Variants in COL4A1 observed in about 807,000 individuals in gnomAD.
The protein encoded by COL4A1 is collagen alpha-1(IV) chain.
A neutral mutation model predicts 216.6 loss-of-function variants in COL4A1; 40 were observed. That is an observed-to-expected ratio of 0.18 (90% CI 0.14 to 0.24). The LOEUF is 0.24. Ranked by LOEUF, COL4A1 falls within the 10% of genes least tolerant of loss-of-function variation. The probability of loss-of-function intolerance (pLI) is 1.00; values close to 1 mark genes in which losing one functional copy is unlikely to be tolerated. For missense variants in COL4A1, 1,628 were observed against 2,196.8 expected, an observed-to-expected ratio of 0.74 and a Z score of 5.18; for synonymous variants, 839 against 810.7, an observed-to-expected ratio of 1.03 and a Z score of -0.59.
At chr13:110,198,118 T>TCC (rs1878992799) in intron 21 of COL4A1, among the ~76,000 whole-genome samples, 1 of 151,368 alleles carries the variant, frequency 6.6e-6, no homozygotes, top group African/African-American at 2.4e-5. Flanking sequence ...TGTGTGTGTG[T>TCC]CCTAGTATTC....
chr13:110,172,699 A>G (rs1313971931), intron 41 of COL4A1, 21 bp downstream of exon 41: 3 of 1,611,884 alleles, frequency 1.9e-6, no homozygotes, highest in Non-Finnish European at 2.5e-6. Context: ...GAAAAGGAAG[A>G]GCACAGTGAG....
At chr13:110,198,686 G>A in intron 20 of COL4A1, 55 bp from the exon 21 acceptor site, 1 of 1,603,394 alleles carries the variant, frequency 6.2e-7, no homozygotes, top group Non-Finnish European at 8.5e-7. Flanking sequence ...AGCAACTACA[G>A]CATAAACTCA....
chr13:110,219,204 G>A (rs1291815275), intron 2 of COL4A1, among the ~76,000 whole-genome samples: 2 of 152,190 alleles, frequency 1.3e-5, no homozygotes, highest in East Asian at 1.9e-4. Flanking sequence ...GATGCAAGGA[G>A]ATCCCCTAGA....
chr13:110,194,076 C>A (rs1878767476), intron 22 of COL4A1, among the ~76,000 whole-genome samples: 1 of 152,116 alleles, frequency 6.6e-6, no homozygotes, highest in African/African-American at 2.4e-5. Flanking sequence ...ATGGAAGAGC[C>A]CATCTCACAA....
At chr13:110,261,506 T>C (rs1882828031) in intron 1 of COL4A1, among the ~76,000 whole-genome samples, 1 of 152,186 alleles carries the variant, frequency 6.6e-6, no homozygotes, top group Admixed American at 6.5e-5. Flanking sequence ...GCCCAAGGGC[T>C]CCCTAGCTTT....
intron 1 of COL4A1, among the ~76,000 whole-genome samples, chr13:110,296,560 C>G (rs774102795): frequency 2.6e-4 from 40 of 152,216 alleles, no homozygotes; most frequent in Non-Finnish European, 4.8e-4. Context: ...TCACAACAAG[C>G]TTCTGACACC....
intron 1 of COL4A1, among the ~76,000 whole-genome samples, chr13:110,253,773 T>C (rs1361408377): frequency 7.8e-6 from 1 of 128,248 alleles, no homozygotes; most frequent in African/African-American, 2.7e-5. Context: ...CGTATGTATG[T>C]ATTATATATA....
chr13:110,254,453 C>A (rs572797626), intron 1 of COL4A1, among the ~76,000 whole-genome samples: 1 of 152,118 alleles, frequency 6.6e-6, no homozygotes, highest in Admixed American at 6.5e-5. Context: ...CACAGCAGCG[C>A]CCATGTTCTA....
At chr13:110,244,609 T>C (rs2139248095) in intron 1 of COL4A1, among the ~76,000 whole-genome samples, 1 of 152,272 alleles carries the variant, frequency 6.6e-6, no homozygotes, top group African/African-American at 2.4e-5. Flanking sequence ...CTACCATGTG[T>C]CTAATCCCCA....
chr13:110,203,478 T>C (rs1879336846), intron 18 of COL4A1, 88 bp downstream of exon 18: 6 of 1,471,440 alleles, frequency 4.1e-6, no homozygotes, highest in Non-Finnish European at 5.7e-6. Context: ...GGTCCTCTCC[T>C]TCCTCCCCCC....
At chr13:110,186,001 G>A (rs1471262985) in intron 26 of COL4A1, among the ~76,000 whole-genome samples, 1 of 152,204 alleles carries the variant, frequency 6.6e-6, no homozygotes, top group Non-Finnish European at 1.5e-5. Flanking sequence ...GTGAAGAGGT[G>A]GAGATCACAC....
Position 110,150,344 on chromosome 13 carries a change from T to C in COL4A1, c.*19A>G, listed in dbSNP as rs764627917. ...GAAGAAGTAGCACCATGTTGTGACA[T>C]TAGCTGAGTCAGGCTTCATTATGTT... is the stretch of plus-strand genomic sequence containing the variant. On this transcript the variant is annotated 3_prime_UTR_variant, in exon 52 of 52. Transcript: ENST00000375820. The C allele has an allele frequency of 6.2e-7, 1 of 1,611,314 alleles. No homozygotes were observed. Among genetic ancestry groups the C allele is most frequent in the Non-Finnish European group, 8.5e-7 (1 of 1,178,104 alleles).
chr13:110,152,447 C>G lies in COL4A1; in HGVS notation c.4815G>C (p.Leu1605=), dbSNP rs1876545822. The part of the protein sequence containing the change: ...GQALASPGSC[L]EEFRSAPFIE... Reference sequence around the variant, plus strand: ...TGAATGGCGCACTTCTAAACTCCTCCAGGCAGGAGCCGGGGGACGCCAGGG... The same window carrying G: ...TGAATGGCGCACTTCTAAACTCCTCGAGGCAGGAGCCGGGGGACGCCAGGG... Residue 1605 remains leucine (L), a synonymous_variant, in exon 51 of 52, where the codon CTG becomes CTC. Coordinates refer to ENST00000375820, the MANE Select transcript of COL4A1 (RefSeq NM_001845.6). The G allele has an allele frequency of 5.6e-6, 9 of 1,614,038 alleles. 1 individual carries two copies. The highest frequency in any genetic ancestry group is 7.6e-6 in the Non-Finnish European group (9 of 1,180,052).
chr13:110,221,997 G>C (rs1285722084), intron 2 of COL4A1, among the ~76,000 whole-genome samples: 1 of 152,178 alleles, frequency 6.6e-6, no homozygotes, highest in Non-Finnish European at 1.5e-5. Context: ...GGAAACACTT[G>C]TATTTTCCTG....
rs1310610842 is a variant in COL4A1 at position 110,187,097 on chromosome 13, A to ACACTGTAAAATG, written c.1728+29_1728+40dup. 4 of 1,608,634 alleles carry ACACTGTAAAATG rather than the reference A, an allele frequency of 2.5e-6. No homozygotes were observed. The Admixed American group carries it at 6.7e-5, about 27-fold the overall frequency. ...TCATTTCTCAATGCTTTGCAGATCC[A>ACACTGTAAAATG]CACTGTAAAATGCACATTCAAAGTC... On this transcript the variant is annotated intron_variant, in intron 25 of 51. Coordinates refer to ENST00000375820, the MANE Select transcript of COL4A1 (RefSeq NM_001845.6).
chr13:110,284,445 C>T (rs540500392), intron 1 of COL4A1, among the ~76,000 whole-genome samples: 12 of 152,288 alleles, frequency 7.9e-5, no homozygotes, highest in South Asian at 2.1e-4. Context: ...TTGGTTTTAA[C>T]GTCTTGAGAA....
At chr13:110,298,441 G>A (rs1009920901) in intron 1 of COL4A1, among the ~76,000 whole-genome samples, 2 of 152,204 alleles carry the variant, frequency 1.3e-5, no homozygotes, top group African/African-American at 4.8e-5. Context: ...TCTGGACCGG[G>A]TTTGTGTATG....
chr13:110,200,616 C>T (rs1879144755), intron 20 of COL4A1, among the ~76,000 whole-genome samples: 1 of 152,044 alleles, frequency 6.6e-6, no homozygotes, highest in African/African-American at 2.4e-5. Context: ...AGATCTGGAT[C>T]CCCAGGAGAG....
At chr13:110,222,772 T>TAAAAAAAAAAAAAAA in intron 2 of COL4A1, among the ~76,000 whole-genome samples, 1 of 92,072 alleles carries the variant, frequency 1.1e-5, no homozygotes, top group South Asian at 4.0e-4. Context: ...GACTCTGCTT[T>TAAAAAAAAAAAAAAA]AAAAAAAAAA....
Sources: gnomAD v4.1 joint callset for allele counts (sites outside exome capture counted in the v4.1 genomes callset) on GRCh38, gnomAD v4.1.1 for gene constraint, MANE v1.5 for transcripts, NCBI Gene and HGNC (gene_info 2026-07-23, HGNC 2026-07-21) for gene names.